RALY: variants seen among roughly 807,000 people sequenced by gnomAD.
RALY encodes the protein RNA-binding protein Raly.
A neutral mutation model predicts 30.7 loss-of-function variants in RALY; 15 were observed. The ratio of observed to expected loss-of-function variants is 0.49; its 90% CI spans 0.33 to 0.75. The LOEUF (loss-of-function observed/expected upper bound fraction) is 0.75. Ranked by LOEUF, RALY falls within the 30% of genes least tolerant of loss-of-function variation. The pLI is 0.02. For synonymous variants in RALY, 177 were observed against 170.8 expected, an observed-to-expected ratio of 1.04 and a Z score of -0.28; for missense variants, 339 against 414.3, an observed-to-expected ratio of 0.82 and a Z score of 1.58.
chr20:34,030,057 G>A (rs1344962008), intron 1 of RALY: 1 of 152,278 alleles, frequency 6.6e-6, no homozygotes, highest in African/African-American at 2.4e-5. Flanking sequence ...TAAAAAGCCT[G>A]GACTGCAAGT....
chr20:33,996,496 C>G (rs2030636863), intron 1 of RALY, among the ~76,000 whole-genome samples: 2 of 152,062 alleles, frequency 1.3e-5, no homozygotes, highest in African/African-American at 4.8e-5. Flanking sequence ...ATTATTATCC[C>G]TGTTTTATAG....
chr20:34,015,777 G>T (rs1306565781), intron 1 of RALY, among the ~76,000 whole-genome samples: 1 of 152,020 alleles, frequency 6.6e-6, no homozygotes, highest in Non-Finnish European at 1.5e-5. Context: ...GCATACAGGT[G>T]TATAGGCCAC....
rs548910964 is a variant in RALY, at chr20:34,016,942, T to C, written c.-92-14580T>C. 2.6e-5 allele frequency among the ~76,000 whole-genome samples: 4 copies of C among 152,366 alleles called. No individual in the cohort carries two copies. The South Asian group carries it at 6.2e-4, about 24-fold the overall frequency. On this transcript the variant is annotated intron_variant, in intron 1 of 9. Transcript: ENST00000246194. Reference sequence around the variant, plus strand: ...AGGCCTGGGGAGCCTGGGAGGAGGCTGGAGCAGTGCTCCTAGGTAGGGAGA... The same window carrying C: ...AGGCCTGGGGAGCCTGGGAGGAGGCCGGAGCAGTGCTCCTAGGTAGGGAGA...
intron 1 of RALY, chr20:34,029,865 C>T (rs2032204368): frequency 6.6e-6 from 1 of 152,278 alleles, no homozygotes; most frequent in Non-Finnish European, 1.5e-5. Flanking sequence ...CTTGGAGCAA[C>T]TTTCATTCCC....
intron 2 of RALY, among the ~76,000 whole-genome samples, chr20:34,039,190 A>G (rs995390021): frequency 6.6e-6 from 1 of 152,250 alleles, no homozygotes; most frequent in South Asian, 2.1e-4. Context: ...TTAAAAACAA[A>G]AAGCCGCTAT....
At chr20:34,013,859 A>G (rs550853229) in intron 1 of RALY, among the ~76,000 whole-genome samples, 1 of 152,190 alleles carries the variant, frequency 6.6e-6, no homozygotes, top group Non-Finnish European at 1.5e-5. Context: ...AATGATGGAA[A>G]TGTGTATGCA....
chr20:34,025,419 C>T (rs2031984667), intron 1 of RALY, among the ~76,000 whole-genome samples: 1 of 152,002 alleles, frequency 6.6e-6, no homozygotes, highest in Non-Finnish European at 1.5e-5. Context: ...CTGCCTCAGC[C>T]TCTGGAGTAG....
chr20:34,077,445 A>C, intron 8 of RALY, 200 bp downstream of exon 8: 2 of 1,252,112 alleles, frequency 1.6e-6, no homozygotes, highest in African/African-American at 1.5e-5. Context: ...CAGAAGTCCC[A>C]CTGAGGCCTA....
Position 34,084,755 on chromosome 20 carries a change from CAT to C in RALY, c.*4851_*4852del, listed in dbSNP as rs2034076920. 6.6e-6 allele frequency: 1 copy of C among 152,350 alleles called. No homozygotes were observed. The highest frequency in any genetic ancestry group is 1.5e-5 in the Non-Finnish European group (1 of 68,140). The allele number at this position is 152,350 out of a possible 1,614,324, so 9.4% of individuals were successfully genotyped here. ...GCTGACAGCAGTATCAAATGTCAGACATGAGAGAGGAAGGCTTCAAGATGACT... is the reference window on the plus strand; with the variant it reads ...GCTGACAGCAGTATCAAATGTCAGACGAGAGAGGAAGGCTTCAAGATGACT... On this transcript the variant is annotated 3_prime_UTR_variant, in exon 10 of 10. Transcript: ENST00000246194.
intron 2 of RALY, among the ~76,000 whole-genome samples, chr20:34,034,188 T>C (rs2032388972): frequency 6.6e-6 from 1 of 152,204 alleles, no homozygotes; most frequent in Admixed American, 6.5e-5. Flanking sequence ...TGAAAAAGGC[T>C]CTTGTGCTGT....
chr20:34,060,872 G>T (rs74988694), intron 2 of RALY, among the ~76,000 whole-genome samples: 1 of 152,154 alleles, frequency 6.6e-6, no homozygotes, highest in African/African-American at 2.4e-5. Flanking sequence ...ATTTGACGAC[G>T]CACATGGAAG....
intron 2 of RALY, among the ~76,000 whole-genome samples, chr20:34,043,195 T>G (rs930309857): frequency 2.6e-5 from 4 of 152,194 alleles, no homozygotes; most frequent in African/African-American, 4.8e-5. Context: ...CTTCTTTTTC[T>G]TCCCCTGCTC....
intron 2 of RALY, chr20:34,049,193 C>G (rs1249494780): frequency 6.5e-6 from 1 of 153,858 alleles, no homozygotes; most frequent in Non-Finnish European, 1.5e-5. Flanking sequence ...TTGAATCTTG[C>G]TAGAGTGGAG....
chr20:34,018,804 C>G (rs1044894928), intron 1 of RALY, among the ~76,000 whole-genome samples: 3 of 152,190 alleles, frequency 2.0e-5, no homozygotes, highest in Admixed American at 2.0e-4. Context: ...TCCTTTGCAT[C>G]CGGAGATGGA....
intron 5 of RALY, among the ~76,000 whole-genome samples, chr20:34,074,332 C>T (rs908564237): frequency 2.0e-5 from 3 of 152,162 alleles, no homozygotes; most frequent in African/African-American, 7.2e-5. Context: ...CCCTGGCGGG[C>T]TGTGGTCTAC....
At chr20:34,068,026 C>T (rs576379804) in intron 2 of RALY, among the ~76,000 whole-genome samples, 3 of 152,046 alleles carry the variant, frequency 2.0e-5, no homozygotes, top group African/African-American at 7.2e-5. Flanking sequence ...TCTGTTCTTC[C>T]GAGTAAGAGC....
chr20:34,078,328 C>G (rs1477948974), intron 8 of RALY, among the ~76,000 whole-genome samples, 177 bp from the exon 9 acceptor site: 2 of 152,238 alleles, frequency 1.3e-5, no homozygotes, highest in Non-Finnish European at 2.9e-5. Context: ...CTTCCAAGTT[C>G]CCAAGCCAGC....
chr20:34,073,214 C>T (rs900301569), intron 3 of RALY, among the ~76,000 whole-genome samples: 3 of 151,668 alleles, frequency 2.0e-5, no homozygotes, highest in Non-Finnish European at 2.9e-5. Context: ...TCTGTGTATG[C>T]GTTCCCATGT....
chr20:34,032,730 C>T (rs146947324), intron 2 of RALY, among the ~76,000 whole-genome samples: 226 of 152,226 alleles, frequency 1.5e-3, no homozygotes, highest in African/African-American at 5.1e-3. Flanking sequence ...GGGTTTACAC[C>T]TGGGAATCTA....
Sources: allele counts gnomAD v4.1 joint callset (sites outside exome capture counted in the v4.1 genomes callset), GRCh38; gene constraint gnomAD v4.1.1; transcripts MANE v1.5; gene names NCBI Gene and HGNC (gene_info 2026-07-23, HGNC 2026-07-21).